Variants in CFAP47 observed in about 807,000 individuals in gnomAD.
CFAP47 encodes cilia- and flagella-associated protein 47.
Under a neutral mutation model 148.1 loss-of-function variants are expected in CFAP47, and 29 were observed. The ratio of observed to expected loss-of-function variants is 0.20; its 90% CI spans 0.15 to 0.27. The LOEUF is 0.27. CFAP47 is among the 10% of genes least tolerant of loss of function. CFAP47 has a pLI of 1.00. For synonymous variants in CFAP47, 664 were observed against 577.3 expected, an observed-to-expected ratio of 1.15 and a Z score of -2.15; for missense variants, 1,872 against 1,697.5, an observed-to-expected ratio of 1.10 and a Z score of -1.81.
chrX:36,275,512 A>G (rs1382006112), intron 49 of CFAP47, among the ~76,000 whole-genome samples: 1 of 108,362 alleles, frequency 9.2e-6, no homozygotes, highest in African/African-American at 3.4e-5. Flanking sequence ...TGTATGTTGA[A>G]TGACCATTCA....
intron 40 of CFAP47, among the ~76,000 whole-genome samples, chrX:36,187,555 G>A: frequency 8.9e-6 from 1 of 111,920 alleles, no homozygotes; most frequent in East Asian, 2.8e-4. Context: ...TTTCTATTCT[G>A]TATGGTCTCC....
intron 57 of CFAP47, among the ~76,000 whole-genome samples, chrX:36,337,032 G>A (rs1556014958): frequency 8.9e-6 from 1 of 111,786 alleles, no homozygotes; most frequent in Non-Finnish European, 1.9e-5. Flanking sequence ...CTTAGCTCAG[G>A]TTTCAATTAT....
chrX:36,346,769 C>A (rs782704911), intron 57 of CFAP47, among the ~76,000 whole-genome samples: 7 of 111,723 alleles, frequency 6.3e-5, no homozygotes, highest in Middle Eastern at 4.6e-3. Flanking sequence ...TCAGGAGAAA[C>A]TTCTTACTTC....
intron 21 of CFAP47, among the ~76,000 whole-genome samples, chrX:36,008,699 G>A (rs762995800): frequency 1.5e-4 from 16 of 109,122 alleles, no homozygotes; most frequent in African/African-American, 4.7e-4. Flanking sequence ...GAACCCAGGA[G>A]GAGGAGGCTG....
At chrX:36,365,963 T>C (rs1941872013) in intron 61 of CFAP47, among the ~76,000 whole-genome samples, 1 of 111,486 alleles carries the variant, frequency 9.0e-6, no homozygotes, top group Non-Finnish European at 1.9e-5. Flanking sequence ...AGTACATGTG[T>C]CTTTATGATA....
chrX:36,217,886 G>A (rs1555990325), intron 45 of CFAP47, among the ~76,000 whole-genome samples: 1 of 111,531 alleles, frequency 9.0e-6, no homozygotes, highest in Non-Finnish European at 1.9e-5. Flanking sequence ...TTTATAGACA[G>A]AGCTGGTAAG....
At chrX:36,170,477 G>C in intron 39 of CFAP47, among the ~76,000 whole-genome samples, 1 of 109,064 alleles carries the variant, frequency 9.2e-6, no homozygotes, top group Non-Finnish European at 1.9e-5. Flanking sequence ...TCCCCAGAGT[G>C]TGATGTTCCC....
At chrX:36,211,678 G>A (rs1388709425) in intron 45 of CFAP47, 3 of 189,047 alleles carry the variant, frequency 1.6e-5, no homozygotes, top group Non-Finnish European at 3.1e-5. Flanking sequence ...AAGAAGAGGA[G>A]GAAGATGAAG....
At chrX:36,315,231 T>C (rs782217609) in intron 56 of CFAP47, among the ~76,000 whole-genome samples, 2 of 112,230 alleles carry the variant, frequency 1.8e-5, no homozygotes, top group African/African-American at 3.2e-5. Context: ...TAAATATTAT[T>C]GTGGTTGTGC....
chrX:36,373,980 AT>A (rs1461803221), intron 62 of CFAP47, among the ~76,000 whole-genome samples: 2 of 110,513 alleles, frequency 1.8e-5, no homozygotes, highest in East Asian at 5.7e-4. Flanking sequence ...TGTATTGATG[AT>A]TTTTGCTTTC....
intron 39 of CFAP47, among the ~76,000 whole-genome samples, chrX:36,173,648 C>T (rs1939621188): frequency 8.9e-6 from 1 of 112,043 alleles, no homozygotes; most frequent in Admixed American, 9.4e-5. Flanking sequence ...AGTTTGATTG[C>T]ACTGTGGTCT....
chrX:36,043,824 CTG>C (rs1286185557), intron 25 of CFAP47, among the ~76,000 whole-genome samples: 1 of 112,681 alleles, frequency 8.9e-6, no homozygotes, highest in Non-Finnish European at 1.9e-5. Context: ...AGTGGAGACT[CTG>C]TGTGGCACAT....
intron 33 of CFAP47, among the ~76,000 whole-genome samples, chrX:36,110,368 G>A (rs1003198758): frequency 9.0e-6 from 1 of 111,484 alleles, no homozygotes; most frequent in Non-Finnish European, 1.9e-5. Context: ...ATTGAATGGG[G>A]AGTCCTTTCC....
At chrX:36,149,601 TTTATTTA>T (rs1422654359) in intron 37 of CFAP47, among the ~76,000 whole-genome samples, 1 of 77,301 alleles carries the variant, frequency 1.3e-5, no homozygotes, top group African/African-American at 5.6e-5. Flanking sequence ...TATTTATTTA[TTTATTTA>T]TTTATTTTAT....
At chrX:35,964,081 T>G (rs1365673067) in intron 8 of CFAP47, among the ~76,000 whole-genome samples, 1 of 111,740 alleles carries the variant, frequency 8.9e-6, no homozygotes, top group East Asian at 2.8e-4. Flanking sequence ...TTGTCTGAAT[T>G]TGAGTTACTA....
chrX:36,153,804 G>C (rs1455575961), intron 37 of CFAP47, among the ~76,000 whole-genome samples: 1 of 111,769 alleles, frequency 8.9e-6, no homozygotes, highest in Non-Finnish European at 1.9e-5. Context: ...GCAGCACCTG[G>C]GGCAGCCAAG....
chrX:36,229,515 C>T (rs1013494492), intron 46 of CFAP47, among the ~76,000 whole-genome samples: 6 of 111,055 alleles, frequency 5.4e-5, no homozygotes, highest in Admixed American at 4.8e-4. Context: ...AATGATCCTT[C>T]GATAGATCTA....
intron 49 of CFAP47, among the ~76,000 whole-genome samples, chrX:36,273,243 A>G (rs1042377141): frequency 1.8e-5 from 2 of 112,030 alleles, no homozygotes; most frequent in African/African-American, 6.5e-5. Context: ...CTTGGAAAAA[A>G]CTTGATTAAA....
chrX:36,173,424 C>A (rs1366072221), intron 39 of CFAP47, among the ~76,000 whole-genome samples: 2 of 111,691 alleles, frequency 1.8e-5, no homozygotes, highest in Non-Finnish European at 3.8e-5. Context: ...CCTGCTTTCT[C>A]TTGTGGGCAT....
Sources: gnomAD v4.1 joint callset for allele counts (sites outside exome capture counted in the v4.1 genomes callset) on GRCh38, gnomAD v4.1.1 for gene constraint, MANE v1.5 for transcripts, NCBI Gene and HGNC (gene_info 2026-07-23, HGNC 2026-07-21) for gene names.